VEZT: variants seen among roughly 807,000 people sequenced by gnomAD.
VEZT encodes vezatin, adherens junctions transmembrane protein.
A neutral mutation model predicts 79.9 loss-of-function variants in VEZT; 39 were observed. The ratio of observed to expected loss-of-function variants is 0.49; its 90% confidence interval spans 0.38 to 0.64. The LOEUF is 0.64. Among genes scored for constraint, VEZT ranks in the 30% least tolerant of loss-of-function variants. The pLI, the probability that VEZT is intolerant of heterozygous loss-of-function variation, is 0.00. For synonymous variants in VEZT, 325 were observed against 327.6 expected (o/e 0.99, Z 0.09); for missense variants, 837 against 893.1 (o/e 0.94, Z 0.80).
In VEZT at chr12:95,300,286, C is replaced by A. The variant is rs779131712; in HGVS notation, c.1953C>A (p.Ser651=). 3.1e-6 allele frequency: 5 copies of A among 1,604,114 alleles called. No individual in the cohort carries two copies. The highest frequency in any genetic ancestry group is 2.2e-5 in the East Asian group (1 of 44,644). Residue 651 remains serine, a synonymous_variant, in exon 12 of 12, where the codon TCC becomes TCA. Transcript: ENST00000436874. ...KNDTEEESNK[S]ATTDNEISRT... ...ATACTGAAGAGGAAAGTAATAAATC[C>A]GCCACAACAGACAATGAAATAAGTA... is the stretch of plus-strand genomic sequence containing the variant.
chr12:95,247,190 T>C (rs915684461), intron 1 of VEZT, among the ~76,000 whole-genome samples: 1 of 152,214 alleles, frequency 6.6e-6, no homozygotes, highest in Non-Finnish European at 1.5e-5. Flanking sequence ...ATCAGATGGT[T>C]GCATATTCTA....
chr12:95,270,177 T>C lies in VEZT; in HGVS notation c.837T>C (p.Tyr279=). ...NFQAARLATL[Y]MLKNYPLNSE... The stretch of plus-strand genomic sequence containing the variant: ...AAGCAGCAAGGCTAGCTACCCTATA[T>C]ATGCTGAAAAAATATCCTTTTCTGT... Residue 279 remains tyrosine, a synonymous_variant, in exon 6 of 12, where the codon TAT becomes TAC. Transcript: ENST00000436874. 1 of 1,603,318 alleles carries C rather than the reference T, an allele frequency of 6.2e-7. No homozygotes were observed. Among genetic ancestry groups the C allele is most frequent in the East Asian group, 2.2e-5 (1 of 44,638 alleles).
At position 95,302,609 on chromosome 12, in the gene VEZT, A is replaced by G. The variant is rs2140042013; in HGVS notation, c.*1936A>G. ...CTTCTCTGCAAAAATTCCTGGAGTA[A>G]TTTTCTCTCATAATATTTGAAGTCA... is the stretch of plus-strand genomic sequence containing the variant. On this transcript the variant is annotated 3_prime_UTR_variant, in exon 12 of 12. Transcript: ENST00000436874. 6.6e-6 allele frequency: 1 copy of G among 152,070 alleles called. No individual in the cohort carries two copies. Among genetic ancestry groups the G allele is most frequent in the South Asian group, 2.1e-4 (1 of 4,814 alleles). 9.4% of individuals were successfully genotyped at this position (152,070 alleles called of 1,614,324 possible). A position where few individuals can be genotyped will look rare whatever the true frequency, so the allele number is the denominator to read the frequency against.
intron 7 of VEZT, among the ~76,000 whole-genome samples, chr12:95,277,757 A>G (rs893217780): frequency 6.6e-6 from 1 of 152,238 alleles, no homozygotes; most frequent in Non-Finnish European, 1.5e-5. Flanking sequence ...ATAAGGTATT[A>G]GATTAAATGA....
chr12:95,268,852 C>A (rs1341096966), intron 5 of VEZT, among the ~76,000 whole-genome samples: 1 of 152,144 alleles, frequency 6.6e-6, no homozygotes, highest in Non-Finnish European at 1.5e-5. Flanking sequence ...GTTTTTAAAA[C>A]TGATTTAGTA....
intron 1 of VEZT, among the ~76,000 whole-genome samples, chr12:95,247,208 A>G (rs981542740): frequency 3.3e-5 from 5 of 152,344 alleles, no homozygotes; most frequent in African/African-American, 9.6e-5. Context: ...CTACGTTAAC[A>G]TTTAGCTATT....
intron 1 of VEZT, among the ~76,000 whole-genome samples, chr12:95,230,396 ATTT>A (rs896550926): frequency 6.8e-6 from 1 of 147,232 alleles, no homozygotes; most frequent in Non-Finnish European, 1.5e-5. Context: ...ATTAAAATGG[ATTT>A]TTTTTTCTTT....
At chr12:95,224,566 G>C (rs2058135508) in intron 1 of VEZT, among the ~76,000 whole-genome samples, 1 of 152,116 alleles carries the variant, frequency 6.6e-6, no homozygotes, top group Non-Finnish European at 1.5e-5. Flanking sequence ...CCACCTATGA[G>C]ACCTGTAACC....
chr12:95,266,057 G>C (rs960709852), intron 4 of VEZT, among the ~76,000 whole-genome samples: 1 of 152,134 alleles, frequency 6.6e-6, no homozygotes, highest in African/African-American at 2.4e-5. Flanking sequence ...CACCTACAGA[G>C]AATTTGAGTT....
chr12:95,241,189 C>T (rs535240064), intron 1 of VEZT, among the ~76,000 whole-genome samples: 86 of 152,116 alleles, frequency 5.7e-4, no homozygotes, highest in African/African-American at 1.9e-3. Context: ...TGCACCACCA[C>T]GCCCGGCTAA....
At chr12:95,298,744 A>C (rs1280171984) in intron 11 of VEZT, 1 of 152,264 alleles carries the variant, frequency 6.6e-6, no homozygotes, top group African/African-American at 2.4e-5. Flanking sequence ...ATTGTGAACT[A>C]TCAACCAACT....
At chr12:95,221,106 T>C (rs1194655284) in intron 1 of VEZT, among the ~76,000 whole-genome samples, 1 of 152,252 alleles carries the variant, frequency 6.6e-6, no homozygotes, top group Non-Finnish European at 1.5e-5. Flanking sequence ...TTTTAATGTG[T>C]TTATTAGCCA....
chr12:95,271,418 G>A (rs116372688), intron 6 of VEZT, among the ~76,000 whole-genome samples: 485 of 152,214 alleles, frequency 3.2e-3, no homozygotes, highest in African/African-American at 0.011. Flanking sequence ...TATAAGTGCC[G>A]TGGGTGCCTT....
intron 1 of VEZT, among the ~76,000 whole-genome samples, chr12:95,225,512 G>A (rs1247007186): frequency 2.6e-5 from 4 of 151,968 alleles, no homozygotes; most frequent in African/African-American, 9.7e-5. Context: ...AGCCAAGATC[G>A]CGCCACTGCA....
chr12:95,261,642 C>T (rs2064516151), intron 3 of VEZT, among the ~76,000 whole-genome samples: 1 of 152,184 alleles, frequency 6.6e-6, no homozygotes. Context: ...AAATCCTGAC[C>T]TCAGGTGATC....
At position 95,294,651 on chromosome 12, in the gene VEZT, C is replaced by T. The variant is rs2073751814; in HGVS notation, c.1623+279C>T. Among the ~76,000 whole-genome samples, 3 of 152,152 alleles carry T rather than the reference C, an allele frequency of 2.0e-5. No individual in the cohort carries two copies. In the South Asian group the frequency reaches 6.2e-4, roughly 32 times the overall value. Reference sequence around the variant, plus strand: ...AATGTGTTTATCTTGATCTGAGTAGCAGTTACTGGTATGTGTACATATGTA... The same window carrying T: ...AATGTGTTTATCTTGATCTGAGTAGTAGTTACTGGTATGTGTACATATGTA... On this transcript the variant is annotated intron_variant, in intron 10 of 11. Transcript: ENST00000436874.
At chr12:95,285,172 A>G (rs554331908) in intron 8 of VEZT, among the ~76,000 whole-genome samples, 27 of 151,916 alleles carry the variant, frequency 1.8e-4, no homozygotes, top group Non-Finnish European at 3.7e-4. Flanking sequence ...GGCCAGGCGC[A>G]ATGGCTAACA....
rs557456779 is a variant in VEZT, at chr12:95,290,003, C to G, written c.1522+2146C>G. 1.4e-4 allele frequency among the ~76,000 whole-genome samples: 22 copies of G among 152,244 alleles called. No individual in the cohort carries two copies. In the South Asian group the frequency reaches 3.9e-3, roughly 27 times the overall value. Reference sequence around the variant, plus strand: ...TATTTCTGTATGCATTTTTGTAAAACAGGAACATTCTCCTGTGTACCCACA... The same window carrying G: ...TATTTCTGTATGCATTTTTGTAAAAGAGGAACATTCTCCTGTGTACCCACA... On this transcript the variant is annotated intron_variant, in intron 9 of 11. Coordinates refer to ENST00000436874, the MANE Select transcript of VEZT (RefSeq NM_017599.4).
chr12:95,245,811 C>G (rs2061636111), intron 1 of VEZT, among the ~76,000 whole-genome samples: 1 of 152,218 alleles, frequency 6.6e-6, no homozygotes, highest in Non-Finnish European at 1.5e-5. Context: ...AAGACCCCAT[C>G]TCTACAATAA....
Sources: gnomAD v4.1 joint callset for allele counts (sites outside exome capture counted in the v4.1 genomes callset) on GRCh38, gnomAD v4.1.1 for gene constraint, MANE v1.5 for transcripts, NCBI Gene and HGNC (gene_info 2026-07-23, HGNC 2026-07-21) for gene names.